The following GRAP2 variants were observed in gnomAD, a reference collection of about 807,000 sequenced individuals.
GRAP2 encodes GRB2-related adapter protein 2.
Under a neutral mutation model 43.5 loss-of-function variants are expected in GRAP2, and 31 were observed. The ratio of observed to expected loss-of-function variants is 0.71; its 90% confidence interval spans 0.54 to 0.96. The LOEUF (loss-of-function observed/expected upper bound fraction) is 0.96, where lower values mean the gene tolerates loss of function less well. Ranked by LOEUF, GRAP2 falls within the 40% of genes least tolerant of loss-of-function variation. The probability of loss-of-function intolerance (pLI) is 0.00; values close to 1 mark genes in which losing one functional copy is unlikely to be tolerated. For missense variants in GRAP2, 371 were observed against 424.4 expected (o/e 0.87, Z 1.11); for synonymous variants, 156 against 164.8 (o/e 0.95, Z 0.41).
intron 1 of GRAP2, among the ~76,000 whole-genome samples, chr22:39,919,856 T>C (rs2066634643): frequency 6.6e-6 from 1 of 152,248 alleles, no homozygotes; most frequent in Non-Finnish European, 1.5e-5. Context: ...GCTGGATATA[T>C]ATTGTTTTAA....
At chr22:39,951,811 T>TA (rs1157967328) in intron 2 of GRAP2, among the ~76,000 whole-genome samples, 28 of 151,394 alleles carry the variant, frequency 1.8e-4, no homozygotes, top group African/African-American at 3.9e-4. Context: ...GAATTTTTTT[T>TA]AAAAAAAAAC....
At chr22:39,965,762 C>T (rs190750314) in intron 4 of GRAP2, among the ~76,000 whole-genome samples, 9 of 152,288 alleles carry the variant, frequency 5.9e-5, no homozygotes, top group African/African-American at 1.9e-4. Context: ...ATCTGATTAC[C>T]TTCTGCTGAT....
At position 39,917,948 on chromosome 22, in the gene GRAP2, T is replaced by A. The variant is rs560649930; in HGVS notation, c.-15+16618T>A. 7.2e-5 allele frequency among the ~76,000 whole-genome samples: 11 copies of A among 152,328 alleles called. No homozygotes were observed. The South Asian group carries it at 2.3e-3, about 32-fold the overall frequency. On this transcript the variant is annotated intron_variant, in intron 1 of 7. Transcript: ENST00000344138. ...CTCTTCTTATGTAATGTGGCTGCTGTCACATCTCTGGGTCAACCAAAACCA... is the reference window on the plus strand; with the variant it reads ...CTCTTCTTATGTAATGTGGCTGCTGACACATCTCTGGGTCAACCAAAACCA...
At chr22:39,961,812 T>C (rs1485033053) in intron 4 of GRAP2, among the ~76,000 whole-genome samples, 5 of 152,368 alleles carry the variant, frequency 3.3e-5, no homozygotes, top group Admixed American at 2.0e-4. Flanking sequence ...TTGAAAGGCA[T>C]AAAGCTTTGT....
chr22:39,945,466 C>G (rs1011282842), intron 1 of GRAP2, among the ~76,000 whole-genome samples: 1 of 152,186 alleles, frequency 6.6e-6, no homozygotes, highest in East Asian at 1.9e-4. Context: ...CTTATTTACC[C>G]AAATCTTGTT....
At chr22:39,899,077 C>T (rs1485256726), upstream of GRAP2, among the ~76,000 whole-genome samples, 24 of 152,178 alleles carry the variant, frequency 1.6e-4, no homozygotes, top group South Asian at 2.1e-4. Context: ...CCTTTGCACT[C>T]GTTCAGTTAC....
chr22:39,909,864 A>G (rs751830190), intron 1 of GRAP2, among the ~76,000 whole-genome samples: 15 of 152,338 alleles, frequency 9.8e-5, no homozygotes, highest in Non-Finnish European at 1.8e-4. Flanking sequence ...CTTCAAGGAA[A>G]TCATAGGAGA....
intron 4 of GRAP2, among the ~76,000 whole-genome samples, chr22:39,962,631 T>A (rs1040418761): frequency 6.6e-6 from 1 of 151,992 alleles, no homozygotes; most frequent in African/African-American, 2.4e-5. Context: ...TGACTCTGGC[T>A]TTTTCAGCTA....
At position 39,962,420 on chromosome 22, in the gene GRAP2, G is replaced by C. The variant is rs564788903; in HGVS notation, c.290+2246G>C. 4.5e-3 allele frequency among the ~76,000 whole-genome samples: 681 copies of C among 152,020 alleles called. 2 individuals carry two copies. Among genetic ancestry groups the C allele is most frequent in the South Asian group, 9.8e-3 (47 of 4,814 alleles). ...AGCCTGGGTGACAGAGCAAGACCCT[G>C]TCTCAAGAGAAAAAAATTATTTACA... On this transcript the variant is annotated intron_variant, in intron 4 of 7. Coordinates refer to ENST00000344138, the MANE Select transcript of GRAP2 (RefSeq NM_004810.4).
chr22:39,971,190 T>A lies in GRAP2; in HGVS notation c.*106T>A. 1.2e-6 allele frequency: 1 copy of A among 829,046 alleles called. No individual in the cohort carries two copies. Among genetic ancestry groups the A allele is most frequent in the South Asian group, 1.7e-5 (1 of 58,984 alleles). The allele number at this position is 829,046 out of a possible 1,614,324, so 51.4% of individuals were successfully genotyped here. Reference sequence around the variant, plus strand: ...ATATATACATACATCTATCTACATCTGCCTGTGTACACACACAACTTTTTA... The same window carrying A: ...ATATATACATACATCTATCTACATCAGCCTGTGTACACACACAACTTTTTA... On this transcript the variant is annotated 3_prime_UTR_variant, in exon 8 of 8. Coordinates refer to ENST00000344138, the MANE Select transcript of GRAP2 (RefSeq NM_004810.4).
chr22:39,963,889 G>C (rs541143631), intron 4 of GRAP2: 23 of 153,378 alleles, frequency 1.5e-4, no homozygotes, highest in African/African-American at 5.3e-4. Flanking sequence ...GGTGGCGGGC[G>C]CCTGTAGTCC....
At chr22:39,919,919 T>A (rs2145586882) in intron 1 of GRAP2, among the ~76,000 whole-genome samples, 1 of 152,346 alleles carries the variant, frequency 6.6e-6, no homozygotes, top group East Asian at 1.9e-4. Flanking sequence ...TAAGTGCCAT[T>A]GTTGTTTCCA....
At chr22:39,932,950 A>G (rs1223581134) in intron 1 of GRAP2, among the ~76,000 whole-genome samples, 1 of 152,188 alleles carries the variant, frequency 6.6e-6, no homozygotes. Flanking sequence ...GAAGGGTTTG[A>G]ATGCTGGCAG....
chr22:39,931,972 G>A (rs2066759765), intron 1 of GRAP2, among the ~76,000 whole-genome samples: 1 of 152,118 alleles, frequency 6.6e-6, no homozygotes, highest in South Asian at 2.1e-4. Context: ...CAGGATATAT[G>A]AGTGAGATTA....
chr22:39,961,924 C>T (rs760173130), intron 4 of GRAP2, among the ~76,000 whole-genome samples: 1 of 152,210 alleles, frequency 6.6e-6, no homozygotes, highest in Non-Finnish European at 1.5e-5. Flanking sequence ...TTAAAAATAA[C>T]AGGTCAACAA....
Position 39,969,573 on chromosome 22 carries a change from C to G in GRAP2, c.813+40C>G, listed in dbSNP as rs369559105. The G allele has an allele frequency of 3.1e-4, 492 of 1,608,112 alleles. 2 individuals are homozygous for G. Among genetic ancestry groups the G allele is most frequent in the Middle Eastern group, 1.8e-3 (11 of 5,990 alleles). On this transcript the variant is annotated intron_variant, in intron 7 of 7. Coordinates refer to ENST00000344138, the MANE Select transcript of GRAP2 (RefSeq NM_004810.4). The stretch of plus-strand genomic sequence containing the variant: ...CTTCTCTGGGATCCCTGGGGAAAGG[C>G]CTTGGGACAGAGGTCAATGGAGGAG...
chr22:39,919,285 T>C (rs2066629855), intron 1 of GRAP2, among the ~76,000 whole-genome samples: 1 of 152,242 alleles, frequency 6.6e-6, no homozygotes, highest in South Asian at 2.1e-4. Flanking sequence ...CTTTTCATTT[T>C]ACTTCTATTT....
intron 1 of GRAP2, among the ~76,000 whole-genome samples, chr22:39,923,542 G>T (rs890696374): frequency 1.3e-5 from 2 of 152,156 alleles, no homozygotes; most frequent in Admixed American, 1.3e-4. Context: ...TAGAAGGTAA[G>T]CTTTCTGAAG....
rs546922618 is a variant in GRAP2, at chr22:39,959,944, T to C, written c.171-111T>C. 12 of 955,968 alleles carry C rather than the reference T, an allele frequency of 1.3e-5. No individual in the cohort carries two copies. In the African/African-American group the frequency reaches 1.3e-4, roughly 10 times the overall value. The allele number at this position is 955,968 out of a possible 1,614,324, so 59.2% of individuals were successfully genotyped here. ...CAGCACCTGGTCTCTCTCTGCTCCC[T>C]ACTGTACAGAGTCCCCAGCCTCTTT... On this transcript the variant is annotated intron_variant, in intron 3 of 7. Coordinates refer to ENST00000344138, the MANE Select transcript of GRAP2 (RefSeq NM_004810.4).
Sources: allele counts gnomAD v4.1 joint callset (sites outside exome capture counted in the v4.1 genomes callset), GRCh38; gene constraint gnomAD v4.1.1; transcripts MANE v1.5; gene names NCBI Gene and HGNC (gene_info 2026-07-23, HGNC 2026-07-21).